Variants in NDUFAF2 observed in about 807,000 individuals in gnomAD.
NDUFAF2 encodes the protein NADH dehydrogenase [ubiquinone] 1 alpha subcomplex assembly factor 2.
Under a neutral mutation model 22.8 loss-of-function variants are expected in NDUFAF2, and 13 were observed. The ratio of observed to expected loss-of-function variants is 0.57; its 90% CI spans 0.37 to 0.91. NDUFAF2 has a LOEUF of 0.91. Among genes scored for constraint, NDUFAF2 ranks in the 40% least tolerant of loss-of-function variants. NDUFAF2 has a pLI of 0.01. For missense variants in NDUFAF2, 162 were observed against 195.2 expected (o/e 0.83, Z 1.01); for synonymous variants, 53 against 64.2 (o/e 0.83, Z 0.84).
At chr5:61,094,086 A>G (rs1299733993) in intron 2 of NDUFAF2, among the ~76,000 whole-genome samples, 1 of 152,036 alleles carries the variant, frequency 6.6e-6, no homozygotes, top group Non-Finnish European at 1.5e-5. Flanking sequence ...TTTTCTTTCT[A>G]TGGGGTCAGC....
At chr5:61,024,556 A>G (rs1464919262) in intron 1 of NDUFAF2, among the ~76,000 whole-genome samples, 1 of 152,058 alleles carries the variant, frequency 6.6e-6, no homozygotes, top group Non-Finnish European at 1.5e-5. Context: ...ATGTAGTATT[A>G]TTATCACTGT....
At chr5:61,100,112 A>C (rs993804295) in intron 3 of NDUFAF2, among the ~76,000 whole-genome samples, 2 of 113,396 alleles carry the variant, frequency 1.8e-5, no homozygotes, top group Admixed American at 2.0e-4. Flanking sequence ...ATTTGGAATA[A>C]AAGCTGTTTT....
At chr5:61,107,489 C>A (rs1446789598) in intron 3 of NDUFAF2, among the ~76,000 whole-genome samples, 1 of 150,804 alleles carries the variant, frequency 6.6e-6, no homozygotes, top group African/African-American at 2.5e-5. Context: ...ATTATTAATC[C>A]CTTATCATAT....
At chr5:61,107,823 C>G (rs1752787469) in intron 3 of NDUFAF2, among the ~76,000 whole-genome samples, 1 of 121,196 alleles carries the variant, frequency 8.3e-6, no homozygotes, top group South Asian at 3.3e-4. Context: ...CCCCTCCCCC[C>G]ACCCCACAAC....
In NDUFAF2 at chr5:61,067,428, C is replaced by T. The variant is rs993538996; in HGVS notation, c.128-5697C>T. Among the ~76,000 whole-genome samples, 6 of 150,810 alleles carry T rather than the reference C, an allele frequency of 4.0e-5. 1 individual carries two copies. The highest frequency in any genetic ancestry group is 4.2e-4 in the South Asian group (2 of 4,784). The stretch of plus-strand genomic sequence containing the variant: ...TGTGGTGTTTGGTTTTTTGTCCTTG[C>T]GATAGTTTGCTGAGAATGATGGTTT... On this transcript the variant is annotated intron_variant, in intron 1 of 3. Coordinates refer to ENST00000296597, the MANE Select transcript of NDUFAF2 (RefSeq NM_174889.5).
intron 1 of NDUFAF2, among the ~76,000 whole-genome samples, chr5:61,019,303 T>G (rs1751549338): frequency 1.3e-5 from 2 of 152,100 alleles, no homozygotes; most frequent in South Asian, 4.1e-4. Context: ...AGTAAACCTG[T>G]TAGTGTTTAG....
chr5:60,975,253 C>T (rs904894031), intron 1 of NDUFAF2, among the ~76,000 whole-genome samples: 2 of 151,554 alleles, frequency 1.3e-5, no homozygotes, highest in African/African-American at 4.9e-5. Context: ...TTTATTTGGC[C>T]GTCATTACCT....
At chr5:61,117,613 C>G (rs1380376424) in intron 3 of NDUFAF2, among the ~76,000 whole-genome samples, 4 of 152,176 alleles carry the variant, frequency 2.6e-5, no homozygotes, top group African/African-American at 9.7e-5. Flanking sequence ...ACCTCAGCCT[C>G]CCATAGTGCT....
intron 3 of NDUFAF2, chr5:61,116,287 A>G (rs1390142854): frequency 6.6e-6 from 1 of 152,174 alleles, no homozygotes; most frequent in Non-Finnish European, 1.5e-5. Context: ...AGAGACCCAT[A>G]CAAATAAATA....
At chr5:61,007,556 C>A (rs1040592196) in intron 1 of NDUFAF2, among the ~76,000 whole-genome samples, 1 of 152,270 alleles carries the variant, frequency 6.6e-6, no homozygotes, top group Non-Finnish European at 1.5e-5. Context: ...AAAAAATGAT[C>A]GCCATCACTG....
chr5:60,972,361 A>G (rs1360527722), intron 1 of NDUFAF2, among the ~76,000 whole-genome samples: 1 of 151,818 alleles, frequency 6.6e-6, no homozygotes, highest in Non-Finnish European at 1.5e-5. Flanking sequence ...TCAAGTGGAG[A>G]TAGTTGAATC....
At chr5:60,993,635 C>G (rs1261786760) in intron 1 of NDUFAF2, among the ~76,000 whole-genome samples, 2 of 152,090 alleles carry the variant, frequency 1.3e-5, no homozygotes, top group Non-Finnish European at 2.9e-5. Flanking sequence ...TGGGTAGTTC[C>G]TCTCTGCGGG....
At chr5:61,048,078 T>C (rs956632116) in intron 1 of NDUFAF2, among the ~76,000 whole-genome samples, 2 of 152,190 alleles carry the variant, frequency 1.3e-5, no homozygotes, top group African/African-American at 4.8e-5. Flanking sequence ...ATTCATTTCT[T>C]TTTCATATCA....
At chr5:60,951,171 A>G (rs1750540850) in intron 1 of NDUFAF2, among the ~76,000 whole-genome samples, 2 of 152,052 alleles carry the variant, frequency 1.3e-5, no homozygotes, top group African/African-American at 4.8e-5. Context: ...CTGGGATTAC[A>G]GGTGCCCACC....
chr5:61,131,493 G>A (rs1008006135), intron 3 of NDUFAF2, among the ~76,000 whole-genome samples: 26 of 152,070 alleles, frequency 1.7e-4, no homozygotes, highest in African/African-American at 6.0e-4. Context: ...TTCCAGTTCT[G>A]AGAAGGTATC....
intron 1 of NDUFAF2, among the ~76,000 whole-genome samples, chr5:60,984,513 A>T (rs1751040090): frequency 6.6e-6 from 1 of 152,164 alleles, no homozygotes; most frequent in Non-Finnish European, 1.5e-5. Flanking sequence ...TTGTCCATTC[A>T]GTATGATATT....
At position 61,003,679 on chromosome 5, in the gene NDUFAF2, C is replaced by G. The variant is rs571388007; in HGVS notation, c.127+58297C>G. Among the ~76,000 whole-genome samples, 13 of 128,504 alleles carry G rather than the reference C, an allele frequency of 1.0e-4. No individual in the cohort carries two copies. In the South Asian group the frequency reaches 3.2e-3, roughly 32 times the overall value. 84.3% of individuals were successfully genotyped at this position (128,504 alleles called of 152,430 possible). The stretch of plus-strand genomic sequence containing the variant: ...TTTTTTTTTTTTTAAGAGACAGGAT[C>G]TTGCTCTGTCACCCAGGCTGGAGTG... On this transcript the variant is annotated intron_variant, in intron 1 of 3. Transcript: ENST00000296597.
intron 1 of NDUFAF2, among the ~76,000 whole-genome samples, chr5:61,045,471 CT>C (rs1467885561): frequency 6.6e-6 from 1 of 151,152 alleles, no homozygotes. Flanking sequence ...GTTTCCTTGA[CT>C]TTTTTTCTAT....
intron 1 of NDUFAF2, among the ~76,000 whole-genome samples, chr5:60,979,105 G>A (rs1245162796): frequency 6.6e-6 from 1 of 152,142 alleles, no homozygotes; most frequent in Non-Finnish European, 1.5e-5. Context: ...GGTCCCTGCA[G>A]GATTTATTAC....
Sources: gnomAD v4.1 joint callset for allele counts (sites outside exome capture counted in the v4.1 genomes callset) on GRCh38, gnomAD v4.1.1 for gene constraint, MANE v1.5 for transcripts, NCBI Gene and HGNC (gene_info 2026-07-23, HGNC 2026-07-21) for gene names.